BRINP2: variants seen among roughly 807,000 people sequenced by gnomAD.
The protein encoded by BRINP2 is BMP/retinoic acid-inducible neural-specific protein 2.
Under a neutral mutation model 69.2 loss-of-function variants are expected in BRINP2, and 21 were observed. The ratio of observed to expected loss-of-function variants is 0.30; its 90% confidence interval spans 0.22 to 0.44. BRINP2 has a LOEUF of 0.44. Among genes scored for constraint, BRINP2 ranks in the 20% least tolerant of loss-of-function variants. The pLI, the probability that BRINP2 is intolerant of heterozygous loss-of-function variation, is 1.00. For synonymous variants in BRINP2, 380 were observed against 394.1 expected, an observed-to-expected ratio of 0.96 and a Z score of 0.42; for missense variants, 877 against 986.0, an observed-to-expected ratio of 0.89 and a Z score of 1.48.
intron 4 of BRINP2, among the ~76,000 whole-genome samples, chr1:177,266,530 A>T: frequency 6.6e-6 from 1 of 151,680 alleles, no homozygotes; most frequent in East Asian, 2.0e-4. Flanking sequence ...GAGGCCGAGG[A>T]GGGCGGATCA....
intron 1 of BRINP2, among the ~76,000 whole-genome samples, chr1:177,192,743 AC>A (rs1648628451): frequency 6.6e-6 from 1 of 152,202 alleles, no homozygotes; most frequent in African/African-American, 2.4e-5. Context: ...ATTTTACCCA[AC>A]CCTTTCTACA....
At chr1:177,267,886 C>G (rs1651177746) in intron 4 of BRINP2, among the ~76,000 whole-genome samples, 2 of 152,134 alleles carry the variant, frequency 1.3e-5, no homozygotes, top group South Asian at 4.1e-4. Flanking sequence ...TGAAGATTCT[C>G]TAAGAACACA....
At chr1:177,227,319 T>A (rs567339317) in intron 1 of BRINP2, among the ~76,000 whole-genome samples, 10 of 152,350 alleles carry the variant, frequency 6.6e-5, no homozygotes, top group African/African-American at 2.4e-4. Context: ...AATGAACATT[T>A]CCCCATCCCT....
chr1:177,253,230 A>C (rs111532937), intron 2 of BRINP2, among the ~76,000 whole-genome samples: 158 of 152,170 alleles, frequency 1.0e-3, no homozygotes, highest in African/African-American at 3.7e-3. Flanking sequence ...TCTTTTTGAT[A>C]ACAGCCATTC....
intron 2 of BRINP2, among the ~76,000 whole-genome samples, chr1:177,239,864 C>T (rs975564701): frequency 1.4e-4 from 21 of 152,158 alleles, no homozygotes; most frequent in Non-Finnish European, 2.9e-5. Context: ...GGCAGGAGTT[C>T]CCAGCCATGT....
At chr1:177,273,623 T>A (rs377734064) in intron 5 of BRINP2, 30 bp downstream of exon 5, 51 of 1,353,530 alleles carry the variant, frequency 3.8e-5, no homozygotes, top group Non-Finnish European at 5.1e-5. Flanking sequence ...TTTTCATACC[T>A]TTCACACCTG....
chr1:177,172,763 G>A (rs1189407006), intron 1 of BRINP2, among the ~76,000 whole-genome samples: 1 of 152,196 alleles, frequency 6.6e-6, no homozygotes, highest in East Asian at 1.9e-4. Flanking sequence ...TGCAGCCCTA[G>A]GAGCAGGGTG....
At chr1:177,226,318 T>C (rs1649689064) in intron 1 of BRINP2, among the ~76,000 whole-genome samples, 1 of 152,206 alleles carries the variant, frequency 6.6e-6, no homozygotes, top group Admixed American at 6.5e-5. Flanking sequence ...AAACCACTTA[T>C]GGTCTCTGAC....
intron 2 of BRINP2, among the ~76,000 whole-genome samples, chr1:177,240,569 G>A (rs571742367): frequency 6.6e-6 from 1 of 152,194 alleles, no homozygotes; most frequent in East Asian, 1.9e-4. Flanking sequence ...GTCCCTGAAT[G>A]TTGGCCTGGT....
intron 2 of BRINP2, among the ~76,000 whole-genome samples, chr1:177,240,262 T>G (rs948595918): frequency 6.6e-6 from 1 of 152,170 alleles, no homozygotes; most frequent in Non-Finnish European, 1.5e-5. Context: ...TCCCTTGACA[T>G]GAGTTACGTA....
intron 2 of BRINP2, among the ~76,000 whole-genome samples, chr1:177,235,670 G>A (rs1230727067): frequency 1.3e-5 from 2 of 152,166 alleles, no homozygotes; most frequent in African/African-American, 4.8e-5. Flanking sequence ...CGAACCCTGG[G>A]AGAGGCACCA....
chr1:177,277,237 T>C (rs1651529369), intron 6 of BRINP2, among the ~76,000 whole-genome samples: 1 of 151,746 alleles, frequency 6.6e-6, no homozygotes, highest in Non-Finnish European at 1.5e-5. Flanking sequence ...ATTTATATAA[T>C]GTTTACAAAC....
chr1:177,204,338 T>C (rs1391188698), intron 1 of BRINP2, among the ~76,000 whole-genome samples: 1 of 152,042 alleles, frequency 6.6e-6, no homozygotes, highest in African/African-American at 2.4e-5. Flanking sequence ...GCTAACTGCC[T>C]TGTGAAGCCA....
At chr1:177,268,131 T>C (rs1001262593) in intron 4 of BRINP2, among the ~76,000 whole-genome samples, 3 of 152,212 alleles carry the variant, frequency 2.0e-5, no homozygotes, top group African/African-American at 7.2e-5. Context: ...CAAAGTTGTG[T>C]GTTGGCATCC....
At position 177,280,984 on chromosome 1, in the gene BRINP2, T is replaced by C; in HGVS notation, c.1808T>C (p.Met603Thr). Residue 603 changes from methionine (M) to threonine (T), a missense_variant, in exon 8 of 8, where the codon ATG (methionine) becomes ACG (threonine). Met to Thr is a moderately conservative substitution (Grantham distance 81, BLOSUM62 -1). Transcript: ENST00000361539. Reference protein sequence around the residue: ...FGGSHSESWFMPVNEGSFPDW... With the variant: ...FGGSHSESWFTPVNEGSFPDW... ...GGCAGCCACTCTGAGAGCTGGTTCA[T>C]GCCTGTGAATGAGGGCAGCTTTCCT... 6.2e-7 allele frequency: 1 copy of C among 1,614,182 alleles called. No individual in the cohort carries two copies. The highest frequency in any genetic ancestry group is 8.5e-7 in the Non-Finnish European group (1 of 1,180,012).
intron 1 of BRINP2, among the ~76,000 whole-genome samples, chr1:177,219,961 G>C (rs1013724489): frequency 6.6e-6 from 1 of 152,192 alleles, no homozygotes; most frequent in Non-Finnish European, 1.5e-5. Context: ...GTCTCTCTCT[G>C]GAGTACGAAA....
At chr1:177,242,168 C>T (rs781419690) in intron 2 of BRINP2, among the ~76,000 whole-genome samples, 2 of 152,180 alleles carry the variant, frequency 1.3e-5, no homozygotes, top group Admixed American at 6.5e-5. Context: ...GCAGAACTGT[C>T]TTTCAAATCC....
chr1:177,235,304 GGA>G lies in BRINP2; in HGVS notation c.269+5162_269+5163del, dbSNP rs1298786039. Among the ~76,000 whole-genome samples the G allele has an allele frequency of 2.6e-5, 4 of 152,264 alleles. No individual in the cohort carries two copies. The East Asian group carries it at 7.7e-4, about 29-fold the overall frequency. On this transcript the variant is annotated intron_variant, in intron 2 of 7. Coordinates refer to ENST00000361539, the MANE Select transcript of BRINP2 (RefSeq NM_021165.4). ...AGACGGGAGCAAAAATGAAGAGGGT[GGA>G]GAAGCACAGAACGTGTACTGGAAAG...
At chr1:177,232,734 G>A (rs1201405334) in intron 2 of BRINP2, among the ~76,000 whole-genome samples, 3 of 151,744 alleles carry the variant, frequency 2.0e-5, no homozygotes, top group Admixed American at 6.6e-5. Flanking sequence ...AACATACATC[G>A]ACAGTCATCC....
Sources: gnomAD v4.1 joint callset for allele counts (sites outside exome capture counted in the v4.1 genomes callset) on GRCh38, gnomAD v4.1.1 for gene constraint, MANE v1.5 for transcripts, NCBI Gene and HGNC (gene_info 2026-07-23, HGNC 2026-07-21) for gene names.